Variants in BAZ2B observed in about 807,000 individuals in gnomAD.
The protein encoded by BAZ2B is bromodomain adjacent to zinc finger domain 2B.
In BAZ2B, 91 loss-of-function variants were observed where a neutral mutation model predicts 246.0. The observed-to-expected ratio is 0.37, with a 90% CI of 0.31 to 0.44. BAZ2B has a LOEUF of 0.44. Among genes scored for constraint, BAZ2B ranks in the 20% least tolerant of loss-of-function variants. The probability of loss-of-function intolerance (pLI) is 1.00; values close to 1 mark genes in which losing one functional copy is unlikely to be tolerated. For missense variants in BAZ2B, 2,332 were observed against 2,533.7 expected, an observed-to-expected ratio of 0.92 and a Z score of 1.71; for synonymous variants, 855 against 860.0, an observed-to-expected ratio of 0.99 and a Z score of 0.10.
At chr2:159,563,676 G>A (rs186824635) in intron 1 of BAZ2B, among the ~76,000 whole-genome samples, 39 of 152,258 alleles carry the variant, frequency 2.6e-4, no homozygotes, top group African/African-American at 9.4e-4. Context: ...GGGGAAGGAG[G>A]AGTGGAAGTT....
chr2:159,400,815 C>A (rs976446213), intron 16 of BAZ2B, 151 bp from the exon 17 acceptor site: 6 of 463,318 alleles, frequency 1.3e-5, no homozygotes, highest in East Asian at 1.3e-4. Flanking sequence ...CCAAGGTGGG[C>A]GGATCACAAG....
the BAZ2B span, among the ~76,000 whole-genome samples, chr2:159,645,608 T>A: frequency 1.5e-4 from 23 of 152,232 alleles, no homozygotes; most frequent in South Asian, 1.2e-3. Context: ...GCTGCTTACC[T>A]CCTGCTTGTG....
chr2:159,458,106 CGA>C (rs1401898703), intron 3 of BAZ2B, among the ~76,000 whole-genome samples: 3 of 151,706 alleles, frequency 2.0e-5, no homozygotes, highest in East Asian at 2.0e-4. Context: ...CTCCCGGGTT[CGA>C]ATGATTCTCC....
chr2:159,534,858 C>T (rs547176233), intron 2 of BAZ2B, among the ~76,000 whole-genome samples: 10 of 152,236 alleles, frequency 6.6e-5, no homozygotes, highest in African/African-American at 2.4e-4. Context: ...CCACCTGCCT[C>T]GGCCTCCCAA....
intron 1 of BAZ2B, among the ~76,000 whole-genome samples, chr2:159,584,229 C>A (rs1687519152): frequency 6.6e-6 from 1 of 151,784 alleles, no homozygotes; most frequent in African/African-American, 2.4e-5. Flanking sequence ...TCAAGCGATT[C>A]TCCTGCCTTA....
chr2:159,579,019 A>G lies in BAZ2B; in HGVS notation c.-45-23154T>C, dbSNP rs970867934. 3.3e-5 allele frequency among the ~76,000 whole-genome samples: 5 copies of G among 152,302 alleles called. No homozygotes were observed. In the South Asian group the frequency reaches 1.0e-3, roughly 32 times the overall value. On this transcript the variant is annotated intron_variant, in intron 1 of 36. Transcript: ENST00000392783. Reference sequence around the variant, plus strand: ...AACGTCACAATTAAAAGAACTACATAAGCAACAGCAAACAAATTCAAAAGC... The same window carrying G: ...AACGTCACAATTAAAAGAACTACATGAGCAACAGCAAACAAATTCAAAAGC...
At chr2:159,504,741 G>A (rs942006878) in intron 2 of BAZ2B, among the ~76,000 whole-genome samples, 16 of 151,968 alleles carry the variant, frequency 1.1e-4, no homozygotes, top group African/African-American at 3.6e-4. Context: ...ACATATATTG[G>A]AATCTCATAA....
At chr2:159,461,445 T>C (rs1467231384) in intron 3 of BAZ2B, 1 of 152,626 alleles carries the variant, frequency 6.6e-6, no homozygotes, top group Non-Finnish European at 1.5e-5. Context: ...AATAACAGGT[T>C]ACAATAGAAA....
chr2:159,327,427 C>G (rs1558956937), intron 34 of BAZ2B, among the ~76,000 whole-genome samples: 1 of 152,158 alleles, frequency 6.6e-6, no homozygotes, highest in Non-Finnish European at 1.5e-5. Context: ...AAATCCAACA[C>G]TTTCACCATA....
At chr2:159,707,409 A>G in the BAZ2B span, among the ~76,000 whole-genome samples, 1 of 151,952 alleles carries the variant, frequency 6.6e-6, no homozygotes, top group Non-Finnish European at 1.5e-5. Flanking sequence ...ATAATAATAA[A>G]ATATAGCTGT....
In BAZ2B at chr2:159,372,906, T is replaced by C. The variant is rs369542302; in HGVS notation, c.4213+139A>G. 38 of 999,154 alleles carry C rather than the reference T, an allele frequency of 3.8e-5. No individual in the cohort carries two copies. In the East Asian group the frequency reaches 8.9e-4, roughly 23 times the overall value. The allele number at this position is 999,154 out of a possible 1,614,324, so 61.9% of individuals were successfully genotyped here. On this transcript the variant is annotated intron_variant, in intron 27 of 36. Coordinates refer to ENST00000392783, the MANE Select transcript of BAZ2B (RefSeq NM_013450.4). ...TGTATCAGTGAAGGGGCATTATGAG[T>C]GCAAAAGGAATGAGAATTAAGGTTT...
At chr2:159,442,729 C>G (rs1305546645) in intron 6 of BAZ2B, among the ~76,000 whole-genome samples, 1 of 152,160 alleles carries the variant, frequency 6.6e-6, no homozygotes, top group Non-Finnish European at 1.5e-5. Flanking sequence ...AGTCTAAGTA[C>G]CTCAAATAAG....
Position 159,350,285 on chromosome 2 carries a change from A to T in BAZ2B, c.4286T>A (p.Phe1429Tyr), listed in dbSNP as rs765769182. ...AESVQIKEEM[F>Y]ETSGDSLNCS... ...ATTTAAACTGTCCCCAGAAGTCTCA[A>T]ACATTTCTTCTTTGATCTGGACACT... is the stretch of plus-strand genomic sequence containing the variant. Residue 1429 changes from phenylalanine (F) to tyrosine (Y), a missense_variant, in exon 28 of 37, where the codon TTT becomes TAT. Around this residue, in one of 9 missense-constraint regions of BAZ2B, gnomAD observed 676 missense variants for 668.6 expected, o/e 1.01. Coordinates refer to ENST00000392783, the MANE Select transcript of BAZ2B (RefSeq NM_013450.4). 1 of 1,609,164 alleles carries T rather than the reference A, an allele frequency of 6.2e-7. No individual in the cohort carries two copies. The highest frequency in any genetic ancestry group is 8.5e-7 in the Non-Finnish European group (1 of 1,177,596).
chr2:159,433,533 AC>A, intron 8 of BAZ2B, 170 bp from the exon 9 acceptor site: 1 of 539,008 alleles, frequency 1.9e-6, no homozygotes, highest in African/African-American at 1.9e-5. Context: ...GTTGGTTGCT[AC>A]ATTTTGGCTC....
At chr2:159,459,885 GA>G (rs1403267484) in intron 3 of BAZ2B, 4 of 152,006 alleles carry the variant, frequency 2.6e-5, no homozygotes, top group Non-Finnish European at 5.9e-5. Context: ...TCTGCTCAGA[GA>G]AAACATTTGC....
At chr2:159,438,728 C>A (rs771967640) in intron 7 of BAZ2B, 33 bp from the exon 8 acceptor site, 2 of 1,537,378 alleles carry the variant, frequency 1.3e-6, no homozygotes, top group Non-Finnish European at 8.7e-7. Flanking sequence ...AAGTTCCTAA[C>A]ATCTATTAAG....
intron 1 of BAZ2B, among the ~76,000 whole-genome samples, chr2:159,595,125 G>A (rs1002440102): frequency 1.4e-5 from 2 of 146,962 alleles, no homozygotes. Flanking sequence ...TTTTTTAAAC[G>A]GAGTTTTGCT....
intron 1 of BAZ2B, among the ~76,000 whole-genome samples, chr2:159,570,307 C>T (rs1244055554): frequency 6.6e-6 from 1 of 151,862 alleles, no homozygotes; most frequent in Non-Finnish European, 1.5e-5. Context: ...GCCTCAGCCT[C>T]CCGAGCAGTT....
In BAZ2B at chr2:159,478,690, T is replaced by G; in HGVS notation, c.30A>C (p.Ser10=). The change falls in exon 3 of 37, where the codon TCA becomes TCC. Residue 10 remains serine, a synonymous_variant. Coordinates refer to ENST00000392783, the MANE Select transcript of BAZ2B (RefSeq NM_013450.4). MESGERLPS[S]AASSTTPTSS... ...AAGTTGGTGTAGTAGAGGAGGCTGC[T>G]GAGGATGGTAACCGTTCTCCAGACT... is the stretch of plus-strand genomic sequence containing the variant. 1 of 1,601,296 alleles carries G rather than the reference T, an allele frequency of 6.2e-7. No individual in the cohort carries two copies. The highest frequency in any genetic ancestry group is 8.5e-7 in the Non-Finnish European group (1 of 1,173,244).
Sources: allele counts gnomAD v4.1 joint callset (sites outside exome capture counted in the v4.1 genomes callset), GRCh38; gene constraint gnomAD v4.1.1; regional missense constraint gnomAD v4.1.1; transcripts MANE v1.5; gene names NCBI Gene and HGNC (gene_info 2026-07-23, HGNC 2026-07-21).